Variants in PKHD1 observed in about 807,000 individuals in gnomAD.
PKHD1 encodes PKHD1 ciliary IPT domain containing fibrocystin/polyductin, also known as fibrocystin.
In PKHD1, 291 loss-of-function variants were observed where a neutral mutation model predicts 412.0. That is an observed-to-expected ratio of 0.71 (90% CI 0.64 to 0.78). The LOEUF (loss-of-function observed/expected upper bound fraction) is 0.78, where lower values mean the gene tolerates loss of function less well. Among genes scored for constraint, PKHD1 ranks in the 30% least tolerant of loss-of-function variants. The pLI is 0.00. For synonymous variants in PKHD1, 1,777 were observed against 1,821.5 expected (o/e 0.98, Z 0.62); for missense variants, 4,825 against 4,950.7 (o/e 0.97, Z 0.76).
At chr6:51,799,076 G>T (rs964774934) in intron 52 of PKHD1, among the ~76,000 whole-genome samples, 3 of 151,614 alleles carry the variant, frequency 2.0e-5, no homozygotes, top group African/African-American at 7.3e-5. Context: ...TTGAGAACAG[G>T]AACACAGCTG....
At chr6:51,921,947 T>C (rs1016760555) in intron 37 of PKHD1, among the ~76,000 whole-genome samples, 2 of 152,232 alleles carry the variant, frequency 1.3e-5, no homozygotes, top group African/African-American at 2.4e-5. Context: ...ATCAAAGTCA[T>C]TCTCCATCCA....
In PKHD1 at chr6:51,618,869, G is replaced by A. The variant is rs1055749670; in HGVS notation, c.*212C>T. ...CCATTATTTGCCTAGCATTGAACTAGGATCATGATAGCTGCAAAATATGTA... is the reference window on the plus strand; with the variant it reads ...CCATTATTTGCCTAGCATTGAACTAAGATCATGATAGCTGCAAAATATGTA... On this transcript the variant is annotated 3_prime_UTR_variant, in exon 67 of 67. Coordinates refer to ENST00000371117, the MANE Select transcript of PKHD1 (RefSeq NM_138694.4). 5 of 599,760 alleles carry A rather than the reference G, an allele frequency of 8.3e-6. No homozygotes were observed. The African/African-American group carries it at 9.3e-5, about 11-fold the overall frequency. 37.2% of individuals were successfully genotyped at this position (599,760 alleles called of 1,614,324 possible).
intron 35 of PKHD1, among the ~76,000 whole-genome samples, chr6:51,970,014 A>G (rs185510900): frequency 2.6e-3 from 403 of 152,292 alleles, no homozygotes; most frequent in Middle Eastern, 6.8e-3. Context: ...AAATCACCAT[A>G]CTGTTTTCCA....
rs1386289131 is a variant in PKHD1, at chr6:52,072,036, A to G, written c.602+79T>C. On this transcript the variant is annotated intron_variant, in intron 8 of 66. Coordinates refer to ENST00000371117, the MANE Select transcript of PKHD1 (RefSeq NM_138694.4). ...AGATATATGGTGAGTGGGGAGAGAA[A>G]GAGAGAGAATGTGTGTGTGTTGTAT... is the stretch of plus-strand genomic sequence containing the variant. 5 of 841,136 alleles carry G rather than the reference A, an allele frequency of 5.9e-6. No individual in the cohort carries two copies. The Admixed American group carries it at 6.8e-5, about 11-fold the overall frequency. 52.1% of individuals were successfully genotyped at this position (841,136 alleles called of 1,614,324 possible).
At chr6:51,980,791 T>C (rs1001110739) in intron 35 of PKHD1, among the ~76,000 whole-genome samples, 1 of 152,232 alleles carries the variant, frequency 6.6e-6, no homozygotes, top group Admixed American at 6.5e-5. Context: ...CTTTTGATAC[T>C]CTGAACAGTA....
chr6:51,694,631 G>C (rs1030578603), intron 60 of PKHD1, among the ~76,000 whole-genome samples: 4 of 126,696 alleles, frequency 3.2e-5, no homozygotes, highest in African/African-American at 5.9e-5. Flanking sequence ...CTGACCTCAA[G>C]TGATCCACCT....
At chr6:51,736,731 C>T (rs888875187) in intron 60 of PKHD1, among the ~76,000 whole-genome samples, 4 of 152,082 alleles carry the variant, frequency 2.6e-5, no homozygotes, top group Admixed American at 2.0e-4. Flanking sequence ...ATTTTCTAAC[C>T]GTTTCCTCTC....
intron 61 of PKHD1, among the ~76,000 whole-genome samples, chr6:51,656,650 A>G (rs560084459): frequency 5.4e-4 from 77 of 143,370 alleles, no homozygotes; most frequent in African/African-American, 1.9e-3. Flanking sequence ...TTGGTAGCTT[A>G]TAGCTTTTCT....
chr6:51,627,061 G>C lies in PKHD1; in HGVS notation c.11721C>G (p.Ile3907Met), dbSNP rs751898701. 2.5e-6 allele frequency: 4 copies of C among 1,610,052 alleles called. No homozygotes were observed. Among genetic ancestry groups the C allele is most frequent in the East Asian group, 2.2e-5 (1 of 44,848 alleles). Residue 3907 changes from isoleucine to methionine, a missense_variant, in exon 66 of 67, where the codon ATC (isoleucine) becomes ATG (methionine). Transcript: ENST00000371117. Reference sequence around the variant, plus strand: ...ATTCTCGGCGTTTGGATGAGATGTGGATATGAATATTTTGATTATTAGTCT... The same window carrying C: ...ATTCTCGGCGTTTGGATGAGATGTGCATATGAATATTTTGATTATTAGTCT... Reference protein sequence around the residue: ...ESQTNNQNIHIHISSKRRESQ... With the variant: ...ESQTNNQNIHMHISSKRRESQ...
In PKHD1 at chr6:51,744,365, T is replaced by C; in HGVS notation, c.10156+20A>G. ...GCACCCTTGCCTCTACCACAGGCAT[T>C]GCATTCAGATATAGCTTACCTGCGT... is the stretch of plus-strand genomic sequence containing the variant. On this transcript the variant is annotated intron_variant, in intron 60 of 66. Coordinates refer to ENST00000371117, the MANE Select transcript of PKHD1 (RefSeq NM_138694.4). 6.2e-7 allele frequency: 1 copy of C among 1,610,338 alleles called. No homozygotes were observed. The highest frequency in any genetic ancestry group is 8.5e-7 in the Non-Finnish European group (1 of 1,176,668).
At chr6:51,997,414 T>C (rs1797836866) in intron 35 of PKHD1, among the ~76,000 whole-genome samples, 1 of 152,222 alleles carries the variant, frequency 6.6e-6, no homozygotes, top group Non-Finnish European at 1.5e-5. Flanking sequence ...TTTTCCCTTG[T>C]GATTTAAGTC....
At chr6:51,940,728 G>T (rs1264076120) in intron 36 of PKHD1, among the ~76,000 whole-genome samples, 1 of 151,542 alleles carries the variant, frequency 6.6e-6, no homozygotes, top group Non-Finnish European at 1.5e-5. Context: ...ACAGTGGAAG[G>T]TAAGTCCGTC....
intron 37 of PKHD1, among the ~76,000 whole-genome samples, chr6:51,924,188 T>A (rs541553897): frequency 3.3e-5 from 5 of 152,156 alleles, no homozygotes; most frequent in Non-Finnish European, 5.9e-5. Context: ...TGATGATGCA[T>A]ATGGAAGAAT....
chr6:51,687,823 T>G (rs17740610), intron 60 of PKHD1, among the ~76,000 whole-genome samples: 3,650 of 152,332 alleles, frequency 0.024, 57 homozygotes, highest in Non-Finnish European at 0.039. Flanking sequence ...ATTTGTGAGT[T>G]AGTAAATCAG....
chr6:51,627,384 T>C (rs1313697101), intron 65 of PKHD1, among the ~76,000 whole-genome samples: 2 of 152,088 alleles, frequency 1.3e-5, no homozygotes, highest in East Asian at 1.9e-4. Context: ...TAAATTGAGA[T>C]GTATTGTAAG....
intron 52 of PKHD1, among the ~76,000 whole-genome samples, chr6:51,817,592 T>C (rs1765678346): frequency 6.6e-6 from 1 of 152,170 alleles, no homozygotes; most frequent in African/African-American, 2.4e-5. Context: ...ACAGCAATCA[T>C]TCCTGCTGAT....
intron 35 of PKHD1, among the ~76,000 whole-genome samples, chr6:51,967,962 T>A: frequency 6.6e-6 from 1 of 152,198 alleles, no homozygotes; most frequent in East Asian, 1.9e-4. Context: ...AGGAGCGTAC[T>A]TTCCCTGCTA....
rs2150234134 is a variant in PKHD1, at chr6:51,617,726, C to T, written c.*1355G>A. ...TTAGTAGGGTGAGACACACCTGCCC[C>T]TTGATGCCCTGCAGACATAACAGCT... On this transcript the variant is annotated 3_prime_UTR_variant, in exon 67 of 67. Coordinates refer to ENST00000371117, the MANE Select transcript of PKHD1 (RefSeq NM_138694.4). 6.6e-6 allele frequency: 1 copy of T among 152,320 alleles called. No homozygotes were observed. The highest frequency in any genetic ancestry group is 2.4e-5 in the African/African-American group (1 of 41,570). 9.4% of individuals were successfully genotyped at this position (152,320 alleles called of 1,614,324 possible).
chr6:52,082,098 C>G (rs1812116199), intron 4 of PKHD1, among the ~76,000 whole-genome samples: 1 of 151,800 alleles, frequency 6.6e-6, no homozygotes, highest in African/African-American at 2.4e-5. Context: ...AAAATGGTAC[C>G]ATTTATTAAA....
Sources: gnomAD v4.1 joint callset for allele counts (sites outside exome capture counted in the v4.1 genomes callset) on GRCh38, gnomAD v4.1.1 for gene constraint, MANE v1.5 for transcripts, NCBI Gene and HGNC (gene_info 2026-07-23, HGNC 2026-07-21) for gene names.